Variants in ABCA4 observed in about 807,000 individuals in gnomAD.
ABCA4 encodes the protein ATP binding cassette subfamily A member 4, also known as retinal-specific phospholipid-transporting ATPase ABCA4.
ABCA4 carries 196 observed loss-of-function variants against 263.7 expected under a neutral mutation model. The ratio of observed to expected loss-of-function variants is 0.74; its 90% confidence interval spans 0.66 to 0.84. The LOEUF is 0.84. Ranked by LOEUF, ABCA4 falls within the 40% of genes least tolerant of loss-of-function variation. The pLI is 0.00. For synonymous variants in ABCA4, 1,133 were observed against 1,094.2 expected, an observed-to-expected ratio of 1.04 and a Z score of -0.70; for missense variants, 2,792 against 2,855.1, an observed-to-expected ratio of 0.98 and a Z score of 0.50.
chr1:94,080,853 C>A, intron 7 of ABCA4, 135 bp from the exon 8 acceptor site: 1 of 1,366,702 alleles, frequency 7.3e-7, no homozygotes. Context: ...AATCCTTAAT[C>A]CAGCTGCGAA....
At chr1:94,105,299 A>G (rs1205792737) in intron 4 of ABCA4, among the ~76,000 whole-genome samples, 1 of 152,130 alleles carries the variant, frequency 6.6e-6, no homozygotes, top group Non-Finnish European at 1.5e-5. Flanking sequence ...TAACTCACTC[A>G]CCTGACCTTA....
intron 38 of ABCA4, among the ~76,000 whole-genome samples, chr1:94,013,895 C>T (rs1164722221): frequency 1.3e-5 from 2 of 152,204 alleles, no homozygotes; most frequent in Non-Finnish European, 2.9e-5. Context: ...ACACAGGAAA[C>T]TCAAGTAAGA....
intron 22 of ABCA4, among the ~76,000 whole-genome samples, chr1:94,042,092 C>A (rs1660503716): frequency 1.2e-5 from 1 of 84,336 alleles, no homozygotes; most frequent in Non-Finnish European, 2.1e-5. Context: ...GAGCGAGATT[C>A]TGTCTCAAAA....
chr1:94,113,154 ATCCCATGTGTGCAGTAGGAC>A, intron 1 of ABCA4, 88 bp from the exon 2 acceptor site: 1 of 1,250,416 alleles, frequency 8.0e-7, no homozygotes, highest in Non-Finnish European at 1.2e-6. Context: ...CCCTCCTCAG[ATCCCATGTGTGCAGTAGGAC>A]TTTGGTTGTG....
At position 94,029,467 on chromosome 1, in the gene ABCA4, G is replaced by A. The variant is rs147292831; in HGVS notation, c.4517C>T (p.Ala1506Val). ...LTMLPECPEG[A>V]GGLPPPQRTQ... Reference sequence around the variant, plus strand: ...TACCTGGGGGGGCGGGAGGCCCCCGGCACCCTCGGGGCACTCTGGCAGCAT... The same window carrying A: ...TACCTGGGGGGGCGGGAGGCCCCCGACACCCTCGGGGCACTCTGGCAGCAT... The change falls in exon 30 of 50, where the codon GCC becomes GTC. Residue 1506 changes from alanine (A) to valine (V), a missense_variant. Physicochemically the swap from Ala to Val is moderately conservative, Grantham distance 64. Coordinates refer to ENST00000370225, the MANE Select transcript of ABCA4 (RefSeq NM_000350.3). 1.3e-6 allele frequency: 2 copies of A among 1,563,144 alleles called. No homozygotes were observed. The highest frequency in any genetic ancestry group is 2.3e-5 in the East Asian group (1 of 42,602).
intron 30 of ABCA4, among the ~76,000 whole-genome samples, chr1:94,028,299 G>A (rs1024831008): frequency 1.2e-4 from 19 of 152,234 alleles, no homozygotes; most frequent in Non-Finnish European, 2.8e-4. Context: ...ATCAACCACG[G>A]ACACAGCCTT....
Position 94,056,821 on chromosome 1 carries a change from T to C in ABCA4, c.2162A>G (p.His721Arg). The change falls in exon 15 of 50, where the codon CAT becomes CGT. Residue 721 changes from histidine to arginine, a missense_variant and splice_region_variant. Physicochemically the swap from His to Arg is conservative, Grantham distance 29. Coordinates refer to ENST00000370225, the MANE Select transcript of ABCA4 (RefSeq NM_000350.3). ...SIFLLTIFIM[H>R]GRILHYSDPF... is the part of the protein sequence containing the mutation. ...GTCGCTGTAATGTAGGATTCTTCCA[T>C]GCTGAAACCAAGAGGCCATGCGTCA... 1.3e-6 allele frequency: 2 copies of C among 1,597,990 alleles called. No individual in the cohort carries two copies. The highest frequency in any genetic ancestry group is 1.7e-6 in the Non-Finnish European group (2 of 1,171,798).
At chr1:94,019,555 A>AG in intron 36 of ABCA4, 27 bp downstream of exon 36, 1 of 1,576,902 alleles carries the variant, frequency 6.3e-7, no homozygotes, top group Non-Finnish European at 8.6e-7. Flanking sequence ...CACGGAGGGG[A>AG]GGGAGGCGCT....
At chr1:94,059,122 G>C (rs1318889920) in intron 14 of ABCA4, among the ~76,000 whole-genome samples, 1 of 152,214 alleles carries the variant, frequency 6.6e-6, no homozygotes, top group Non-Finnish European at 1.5e-5. Flanking sequence ...TCTCAATGCT[G>C]CTTATCAACA....
At chr1:93,999,658 T>C (rs1392902886) in intron 47 of ABCA4, among the ~76,000 whole-genome samples, 3 of 152,172 alleles carry the variant, frequency 2.0e-5, no homozygotes, top group African/African-American at 7.2e-5. Flanking sequence ...CATAACTGAC[T>C]CCAAAGCTTC....
intron 29 of ABCA4, among the ~76,000 whole-genome samples, chr1:94,030,114 A>G: frequency 6.6e-6 from 1 of 152,352 alleles, no homozygotes; most frequent in East Asian, 1.9e-4. Flanking sequence ...ACACAATAGC[A>G]TAACCCTATT....
intron 43 of ABCA4, among the ~76,000 whole-genome samples, chr1:94,007,008 C>T (rs1419509675): frequency 6.6e-6 from 1 of 152,210 alleles, no homozygotes; most frequent in East Asian, 1.9e-4. Flanking sequence ...CAGAGAGCAG[C>T]AGTCACCCTC....
chr1:94,107,266 G>A (rs1237678070), intron 4 of ABCA4, among the ~76,000 whole-genome samples: 2 of 152,120 alleles, frequency 1.3e-5, no homozygotes, highest in Non-Finnish European at 2.9e-5. Flanking sequence ...TGCTTTCGTG[G>A]CCTCTGAGCC....
At chr1:94,041,924 C>T (rs531682408) in intron 22 of ABCA4, among the ~76,000 whole-genome samples, 6 of 151,962 alleles carry the variant, frequency 3.9e-5, no homozygotes, top group Admixed American at 1.3e-4. Flanking sequence ...GGTGAAACCC[C>T]GTCTCTACTA....
chr1:94,002,865 A>T (rs1284527957), intron 44 of ABCA4, among the ~76,000 whole-genome samples: 3 of 149,998 alleles, frequency 2.0e-5, no homozygotes, highest in South Asian at 4.2e-4. Flanking sequence ...TTATCTACAG[A>T]TCGTCTATCC....
At chr1:94,061,717 G>A (rs971337437) in intron 13 of ABCA4, among the ~76,000 whole-genome samples, 8 of 152,156 alleles carry the variant, frequency 5.3e-5, no homozygotes, top group South Asian at 2.1e-4. Flanking sequence ...CTGGGCTTTC[G>A]CCCCTGGCTC....
At position 94,060,876 on chromosome 1, in the gene ABCA4, AGGAAAACCTCCCCT is replaced by A; in HGVS notation, c.1938-131_1938-118del. The A allele has an allele frequency of 4.8e-6, 4 of 835,112 alleles. No homozygotes were observed. In the South Asian group the frequency reaches 5.8e-5, roughly 12 times the overall value. The allele number at this position is 835,112 out of a possible 1,614,324, so 51.7% of individuals were successfully genotyped here. On this transcript the variant is annotated intron_variant, in intron 13 of 49. Coordinates refer to ENST00000370225, the MANE Select transcript of ABCA4 (RefSeq NM_000350.3). Reference sequence around the variant, plus strand: ...AGCCCAGATGGAGGGAAAGGAAAACAGGAAAACCTCCCCTGGACATTTAATGGGCTGGAATCTTT... The same window carrying A: ...AGCCCAGATGGAGGGAAAGGAAAACAGGACATTTAATGGGCTGGAATCTTT...
At chr1:94,070,431 C>T (rs758920722) in intron 11 of ABCA4, among the ~76,000 whole-genome samples, 4 of 152,188 alleles carry the variant, frequency 2.6e-5, no homozygotes, top group Non-Finnish European at 5.9e-5. Flanking sequence ...CTTCACATCT[C>T]TGCACTTTGC....
intron 11 of ABCA4, 22 bp downstream of exon 11, chr1:94,077,668 T>A (rs777106758): frequency 6.3e-7 from 1 of 1,598,458 alleles, no homozygotes; most frequent in East Asian, 2.2e-5. Flanking sequence ...AGGGGCCCAC[T>A]GTGGGGCTTG....
Sources: gnomAD v4.1 joint callset for allele counts (sites outside exome capture counted in the v4.1 genomes callset) on GRCh38, gnomAD v4.1.1 for gene constraint, MANE v1.5 for transcripts, NCBI Gene and HGNC (gene_info 2026-07-23, HGNC 2026-07-21) for gene names.